Variants in NTM observed in about 807,000 individuals in gnomAD.
NTM encodes IgLON family member 2.
In NTM, 13 loss-of-function variants were observed where a neutral mutation model predicts 42.1. The observed-to-expected ratio is 0.31, with a 90% confidence interval of 0.20 to 0.49. The LOEUF is 0.49. Among genes scored for constraint, NTM ranks in the 20% least tolerant of loss-of-function variants. The pLI is 0.99. For missense variants in NTM, 373 were observed against 452.8 expected, an observed-to-expected ratio of 0.82 and a Z score of 1.60; for synonymous variants, 187 against 179.2, an observed-to-expected ratio of 1.04 and a Z score of -0.35.
intron 3 of NTM, among the ~76,000 whole-genome samples, chr11:132,161,702 G>A (rs1281084128): frequency 6.6e-6 from 1 of 151,814 alleles, no homozygotes; most frequent in Admixed American, 6.6e-5. Flanking sequence ...CCCAGTGTCC[G>A]CTTTCTTCCC....
chr11:131,731,368 C>T (rs951258897), intron 1 of NTM, among the ~76,000 whole-genome samples: 1 of 148,618 alleles, frequency 6.7e-6, no homozygotes, highest in Admixed American at 6.7e-5. Context: ...GGCAGGTCAA[C>T]ACTTAGTCTT....
intron 1 of NTM, among the ~76,000 whole-genome samples, chr11:131,394,505 C>A (rs1944342989): frequency 6.6e-6 from 1 of 152,154 alleles, no homozygotes; most frequent in Non-Finnish European, 1.5e-5. Context: ...GGCCCTTCTA[C>A]TAATGCTAGT....
intron 1 of NTM, among the ~76,000 whole-genome samples, chr11:131,878,569 CAAAAAAA>C (rs71475777): frequency 2.2e-3 from 13 of 5,844 alleles, no homozygotes; most frequent in Non-Finnish European, 3.1e-3. Flanking sequence ...GACTCCATCT[CAAAAAAA>C]AAAAAAAAAA....
chr11:132,067,277 TCA>T (rs2056657546), intron 2 of NTM, among the ~76,000 whole-genome samples: 1 of 152,230 alleles, frequency 6.6e-6, no homozygotes, highest in Non-Finnish European at 1.5e-5. Flanking sequence ...TTTTAGCCTC[TCA>T]CAGTGTGCCC....
intron 4 of NTM, among the ~76,000 whole-genome samples, chr11:132,242,721 A>G (rs2090431771): frequency 6.6e-6 from 1 of 152,198 alleles, no homozygotes; most frequent in East Asian, 1.9e-4. Context: ...ATCAGCCTCT[A>G]AGAGCTGTGC....
Position 132,301,958 on chromosome 11 carries a change from C to T in NTM, c.527-5731C>T, listed in dbSNP as rs906395053. On this transcript the variant is annotated intron_variant, in intron 4 of 8. Coordinates refer to ENST00000683400, the MANE Select transcript of NTM (RefSeq NM_001352005.2). ...TATTCTTGGGTATGATAAAAATGATCACTGTGGGTATTATTATTTTCAGTT... is the reference window on the plus strand; with the variant it reads ...TATTCTTGGGTATGATAAAAATGATTACTGTGGGTATTATTATTTTCAGTT... Among the ~76,000 whole-genome samples the T allele has an allele frequency of 4.6e-5, 7 of 152,192 alleles. No homozygotes were observed. In the South Asian group the frequency reaches 8.3e-4, roughly 18 times the overall value.
At chr11:132,110,716 G>T (rs1315655418) in intron 2 of NTM, among the ~76,000 whole-genome samples, 1 of 151,978 alleles carries the variant, frequency 6.6e-6, no homozygotes, top group Non-Finnish European at 1.5e-5. Flanking sequence ...CATAGCATAT[G>T]AATTCTCACT....
At chr11:131,650,821 A>T (rs953249327) in intron 1 of NTM, among the ~76,000 whole-genome samples, 1 of 152,230 alleles carries the variant, frequency 6.6e-6, no homozygotes, top group African/African-American at 2.4e-5. Context: ...AATATCGAGA[A>T]ATCTCTTGGC....
At chr11:131,804,432 C>T (rs6590600) in intron 1 of NTM, among the ~76,000 whole-genome samples, 5,545 of 152,184 alleles carry the variant, frequency 0.036, 340 homozygotes, top group African/African-American at 0.13. Flanking sequence ...TTAATCTTCA[C>T]GCGCACCCAG....
At chr11:132,239,993 T>G (rs963154194) in intron 4 of NTM, among the ~76,000 whole-genome samples, 3 of 151,744 alleles carry the variant, frequency 2.0e-5, no homozygotes, top group Admixed American at 6.6e-5. Flanking sequence ...CCATCATCCA[T>G]CCATCCATTC....
intron 2 of NTM, among the ~76,000 whole-genome samples, chr11:132,091,134 A>G (rs891831537): frequency 1.3e-5 from 2 of 152,170 alleles, no homozygotes; most frequent in African/African-American, 4.8e-5. Flanking sequence ...CCTAGCTTAT[A>G]ATCCTAGCAC....
At chr11:131,451,054 A>T (rs144383423) in intron 1 of NTM, among the ~76,000 whole-genome samples, 1,904 of 152,318 alleles carry the variant, frequency 0.013, 16 homozygotes, top group Non-Finnish European at 0.022. Context: ...CATTTAAAAG[A>T]ATCTTTCAAA....
intron 1 of NTM, among the ~76,000 whole-genome samples, chr11:131,829,588 G>C (rs922484793): frequency 1.3e-5 from 2 of 152,148 alleles, no homozygotes; most frequent in African/African-American, 4.8e-5. Context: ...ATCCACCATT[G>C]ATAGGCACCT....
chr11:132,279,627 A>G (rs544823615), intron 4 of NTM, among the ~76,000 whole-genome samples: 110 of 152,332 alleles, frequency 7.2e-4, no homozygotes, highest in African/African-American at 2.4e-3. Context: ...CCTGCCTGGA[A>G]TCCTTTCCGC....
intron 1 of NTM, among the ~76,000 whole-genome samples, chr11:131,892,837 A>T (rs2051590526): frequency 6.6e-6 from 1 of 152,260 alleles, no homozygotes; most frequent in African/African-American, 2.4e-5. Flanking sequence ...ATCTCATTGC[A>T]GAAGGCCCCA....
At chr11:131,833,495 T>G (rs1213357874) in intron 1 of NTM, among the ~76,000 whole-genome samples, 1 of 152,134 alleles carries the variant, frequency 6.6e-6, no homozygotes, top group Non-Finnish European at 1.5e-5. Context: ...ACACAGCCAG[T>G]AAGTGACAAA....
intron 1 of NTM, among the ~76,000 whole-genome samples, chr11:131,392,983 A>G (rs990446010): frequency 1.3e-5 from 2 of 152,156 alleles, no homozygotes; most frequent in African/African-American, 4.8e-5. Flanking sequence ...CACACTCCAG[A>G]GAGTTCCTGT....
intron 1 of NTM, among the ~76,000 whole-genome samples, chr11:131,596,411 A>G (rs2059813921): frequency 6.6e-6 from 1 of 152,236 alleles, no homozygotes; most frequent in African/African-American, 2.4e-5. Context: ...AGGTAAACAA[A>G]TGGCAGTGGC....
intron 1 of NTM, among the ~76,000 whole-genome samples, chr11:131,662,742 G>C (rs1047657926): frequency 6.6e-6 from 1 of 152,118 alleles, no homozygotes; most frequent in African/African-American, 2.4e-5. Context: ...GCATAGTGTA[G>C]GCATTGCATG....
Sources: allele counts gnomAD v4.1 joint callset (sites outside exome capture counted in the v4.1 genomes callset), GRCh38; gene constraint gnomAD v4.1.1; transcripts MANE v1.5; gene names NCBI Gene and HGNC (gene_info 2026-07-23, HGNC 2026-07-21).